CFHR4: variants seen among roughly 807,000 people sequenced by gnomAD.
CFHR4 encodes complement factor H related 4.
A neutral mutation model predicts 69.3 loss-of-function variants in CFHR4; 64 were observed. The observed-to-expected ratio is 0.92, with a 90% CI of 0.76 to 1.14. The LOEUF is 1.14. CFHR4 is among the 50% of genes most tolerant of loss of function. The pLI is 0.00. For missense variants in CFHR4, 636 were observed against 684.9 expected, an observed-to-expected ratio of 0.93 and a Z score of 0.80; for synonymous variants, 244 against 237.0, an observed-to-expected ratio of 1.03 and a Z score of -0.27.
At chr1:196,914,876 A>G in intron 8 of CFHR4, 80 bp from the exon 9 acceptor site, 1 of 1,533,548 alleles carries the variant, frequency 6.5e-7, no homozygotes, top group Non-Finnish European at 8.9e-7. Flanking sequence ...GATACAGTTA[A>G]GAGTATATAA....
At chr1:196,903,684 T>G (rs1370978915) in intron 2 of CFHR4, among the ~76,000 whole-genome samples, 2 of 150,594 alleles carry the variant, frequency 1.3e-5, no homozygotes, top group Admixed American at 6.6e-5. Context: ...TATATATATA[T>G]GTATATATAT....
Position 196,910,275 on chromosome 1 carries a change from T to C in CFHR4, c.800-6T>C. On this transcript the variant is annotated splice_polypyrimidine_tract_variant and splice_region_variant and intron_variant, in intron 5 of 9. Coordinates refer to ENST00000608469, the MANE Select transcript of CFHR4 (RefSeq NM_001201550.3). ...TATTTATACTATTTTTGTTTTTTGTTACAAGCAATGAAACCTTGTGAGTTT... is the reference window on the plus strand; with the variant it reads ...TATTTATACTATTTTTGTTTTTTGTCACAAGCAATGAAACCTTGTGAGTTT... 2 of 1,558,150 alleles carry C rather than the reference T, an allele frequency of 1.3e-6. No individual in the cohort carries two copies. Among genetic ancestry groups the C allele is most frequent in the African/African-American group, 1.4e-5 (1 of 73,066 alleles).
chr1:196,896,489 TCTCTGTGATCAAAGAA>T (rs1400867285), intron 1 of CFHR4, among the ~76,000 whole-genome samples: 1 of 151,558 alleles, frequency 6.6e-6, no homozygotes, highest in African/African-American at 2.4e-5. Context: ...TCTGTCTGCA[TCTCTGTGATCAAAGAA>T]CCCAGCAATC....
intron 2 of CFHR4, 55 bp from the exon 3 acceptor site, chr1:196,905,053 T>C: frequency 7.0e-7 from 1 of 1,421,112 alleles, no homozygotes; most frequent in South Asian, 1.4e-5. Context: ...TGTTCCCTTC[T>C]ATAAAAGAAG....
chr1:196,902,459 C>G lies in CFHR4; in HGVS notation c.100C>G (p.Leu34Val). 1.2e-6 allele frequency: 2 copies of G among 1,611,290 alleles called. No homozygotes were observed. The highest frequency in any genetic ancestry group is 1.7e-6 in the Non-Finnish European group (2 of 1,178,728). The change falls in exon 2 of 10, where the codon CTA becomes GTA. Residue 34 changes from leucine to valine, a missense_variant. This residue lies in a region of CFHR4 where 529 missense variants were observed against 533.2 expected (regional missense o/e 0.99). Transcript: ENST00000608469. ...TTTTCCAGAAATTCAACATGGAGGTCTATATTATAAGAGTTTGCGTAGACT... is the reference window on the plus strand; with the variant it reads ...TTTTCCAGAAATTCAACATGGAGGTGTATATTATAAGAGTTTGCGTAGACT... ...CDFPEIQHGG[L>V]YYKSLRRLYF...
rs200833961 is a variant in CFHR4 at position 196,917,228 on chromosome 1, T to C, written c.1541-982T>C. ...TAAACTAGAATGCAGAATACTTGAG[T>C]CAAAAGAAGAGATAGGTGAGTGAAT... On this transcript the variant is annotated intron_variant, in intron 9 of 9. Coordinates refer to ENST00000608469, the MANE Select transcript of CFHR4 (RefSeq NM_001201550.3). Among the ~76,000 whole-genome samples the C allele has an allele frequency of 1.3e-4, 20 of 151,702 alleles. No individual in the cohort carries two copies. In the East Asian group the frequency reaches 3.3e-3, roughly 25 times the overall value.
chr1:196,905,069 A>C, intron 2 of CFHR4, 39 bp from the exon 3 acceptor site: 1 of 1,506,546 alleles, frequency 6.6e-7, no homozygotes. Flanking sequence ...AGAAGTATTC[A>C]ACAAATATTT....
chr1:196,904,110 T>A (rs1253847539), intron 2 of CFHR4, among the ~76,000 whole-genome samples: 4 of 151,652 alleles, frequency 2.6e-5, no homozygotes, highest in Non-Finnish European at 5.9e-5. Context: ...AGCCTAAGCC[T>A]CTGGAAGGGA....
chr1:196,906,763 C>A, intron 3 of CFHR4, 98 bp from the exon 4 acceptor site: 2 of 1,278,000 alleles, frequency 1.6e-6, no homozygotes, highest in Non-Finnish European at 2.1e-6. Flanking sequence ...TATTAGCACA[C>A]ACTGATTGGT....
At chr1:196,901,576 G>T (rs1158883187) in intron 1 of CFHR4, among the ~76,000 whole-genome samples, 1 of 151,134 alleles carries the variant, frequency 6.6e-6, no homozygotes, top group African/African-American at 2.4e-5. Flanking sequence ...ATATTTCATA[G>T]AAAAAATGAA....
At chr1:196,917,947 A>T (rs1411005727) in intron 9 of CFHR4, among the ~76,000 whole-genome samples, 2 of 151,530 alleles carry the variant, frequency 1.3e-5, no homozygotes, top group Non-Finnish European at 2.9e-5. Flanking sequence ...TTTAGGGAAG[A>T]AGAGTTCAGG....
rs77776928 is a variant in CFHR4, at chr1:196,912,826, T to C, written c.1084T>C (p.Tyr362His). Residue 362 changes from tyrosine (Y) to histidine (H), a missense_variant, in exon 7 of 10, where the codon TAT becomes CAT. Physicochemically the swap from Tyr to His is moderately conservative, Grantham distance 83 (BLOSUM62 2). Coordinates refer to ENST00000608469, the MANE Select transcript of CFHR4 (RefSeq NM_001201550.3). Reference protein sequence around the residue: ...SIYILNKEIQYKCKPGYATAD... With the variant: ...SIYILNKEIQHKCKPGYATAD... ...TTATATTTTAAATAAAGAAATACAA[T>C]ATAAATGTAAACCAGGATATGCAAC... The C allele has an allele frequency of 2.9e-4, 473 of 1,608,588 alleles. 9 individuals carry two copies. The African/African-American group carries it at 5.6e-3, about 19-fold the overall frequency.
At chr1:196,910,784 T>C (rs753990862) in intron 6 of CFHR4, among the ~76,000 whole-genome samples, 2 of 151,604 alleles carry the variant, frequency 1.3e-5, no homozygotes, top group Non-Finnish European at 2.9e-5. Flanking sequence ...TTAGTTTTCC[T>C]TCAGTGATAC....
intron 1 of CFHR4, among the ~76,000 whole-genome samples, chr1:196,898,031 C>G (rs1657404582): frequency 6.6e-6 from 1 of 151,282 alleles, no homozygotes. Flanking sequence ...CTTACTCAGG[C>G]CTTCCTTATT....
chr1:196,895,919 AT>A (rs1236934503), intron 1 of CFHR4, among the ~76,000 whole-genome samples: 1 of 151,346 alleles, frequency 6.6e-6, no homozygotes, highest in Non-Finnish European at 1.5e-5. Context: ...GGCTTCCTGC[AT>A]TGTTTTCATT....
chr1:196,894,432 C>A (rs1383731380), intron 1 of CFHR4, among the ~76,000 whole-genome samples: 1 of 151,382 alleles, frequency 6.6e-6, no homozygotes, highest in African/African-American at 2.4e-5. Context: ...CAGTTACTGT[C>A]TAGTATTATT....
intron 1 of CFHR4, among the ~76,000 whole-genome samples, chr1:196,895,394 A>G (rs1261500858): frequency 6.6e-6 from 1 of 151,460 alleles, no homozygotes; most frequent in Non-Finnish European, 1.5e-5. Context: ...TCTCCTTCCG[A>G]AATCCACTTT....
At chr1:196,910,500 A>C in intron 6 of CFHR4, 22 bp downstream of exon 6, 1 of 1,581,546 alleles carries the variant, frequency 6.3e-7, no homozygotes, top group Non-Finnish European at 8.7e-7. Flanking sequence ...TCTTTACAAC[A>C]ATATGTGCAT....
At chr1:196,891,537 A>C (rs990817591) in intron 1 of CFHR4, among the ~76,000 whole-genome samples, 3 of 151,442 alleles carry the variant, frequency 2.0e-5, no homozygotes, top group Non-Finnish European at 4.4e-5. Context: ...CTCTGAACTT[A>C]GTCTTCTCAT....
Sources: gnomAD v4.1 joint callset for allele counts (sites outside exome capture counted in the v4.1 genomes callset) on GRCh38, gnomAD v4.1.1 for gene constraint, gnomAD v4.1.1 regional missense constraint, MANE v1.5 for transcripts, NCBI Gene and HGNC (gene_info 2026-07-23, HGNC 2026-07-21) for gene names.